The following KCND2 variants were observed in gnomAD, a reference collection of about 807,000 sequenced individuals.
The protein encoded by KCND2 is A-type voltage-gated potassium channel KCND2.
A neutral mutation model predicts 54.4 loss-of-function variants in KCND2; 16 were observed. That is an observed-to-expected ratio of 0.29 (90% CI 0.20 to 0.45). The LOEUF is 0.45. Ranked by LOEUF, KCND2 falls within the 20% of genes least tolerant of loss-of-function variation. The pLI is 1.00. For missense variants in KCND2, 486 were observed against 824.2 expected (o/e 0.59, Z 5.02); for synonymous variants, 317 against 310.7 (o/e 1.02, Z -0.21).
At chr7:120,327,194 G>A (rs1799990295) in intron 1 of KCND2, among the ~76,000 whole-genome samples, 1 of 152,052 alleles carries the variant, frequency 6.6e-6, no homozygotes, top group Non-Finnish European at 1.5e-5. Context: ...AGAATTAAGA[G>A]TGTGAGTTTG....
intron 1 of KCND2, among the ~76,000 whole-genome samples, chr7:120,308,313 G>T (rs945573076): frequency 3.3e-5 from 5 of 152,056 alleles, no homozygotes; most frequent in Admixed American, 2.6e-4. Flanking sequence ...GAGGGCCCTG[G>T]TTTTTCTAGT....
chr7:120,698,189 A>G (rs1792356431), intron 1 of KCND2, among the ~76,000 whole-genome samples: 1 of 151,950 alleles, frequency 6.6e-6, no homozygotes, highest in Non-Finnish European at 1.5e-5. Flanking sequence ...TAACTGTTGT[A>G]TTTTTAGTAT....
At chr7:120,585,531 G>T (rs892284650) in intron 1 of KCND2, among the ~76,000 whole-genome samples, 1 of 152,120 alleles carries the variant, frequency 6.6e-6, no homozygotes, top group Non-Finnish European at 1.5e-5. Context: ...GAAAGCATGG[G>T]TCTGAATTCA....
At chr7:120,454,384 C>G (rs1802164126) in intron 1 of KCND2, among the ~76,000 whole-genome samples, 1 of 152,086 alleles carries the variant, frequency 6.6e-6, no homozygotes, top group Non-Finnish European at 1.5e-5. Context: ...ACCTCTGACC[C>G]CACAGAAGCA....
In KCND2 at chr7:120,743,826, C is replaced by T. The variant is rs575640106; in HGVS notation, c.1467+1224C>T. On this transcript the variant is annotated intron_variant, in intron 4 of 5. Coordinates refer to ENST00000331113, the MANE Select transcript of KCND2 (RefSeq NM_012281.3). ...ATGTTAGGCTTTGCAGCCATGTGGA[C>T]AATTTTGATCTTTAGTTCATGGAAA... is the stretch of plus-strand genomic sequence containing the variant. Among the ~76,000 whole-genome samples, 5 of 152,258 alleles carry T rather than the reference C, an allele frequency of 3.3e-5. No homozygotes were observed. In the East Asian group the frequency reaches 9.6e-4, roughly 29 times the overall value.
chr7:120,422,671 T>C (rs760453410), intron 1 of KCND2, among the ~76,000 whole-genome samples: 2 of 152,156 alleles, frequency 1.3e-5, no homozygotes, highest in Non-Finnish European at 2.9e-5. Context: ...CCTTCTTCCG[T>C]CTGCCCTCCA....
intron 1 of KCND2, among the ~76,000 whole-genome samples, chr7:120,392,445 T>G (rs1400512029): frequency 6.6e-6 from 1 of 151,414 alleles, no homozygotes; most frequent in Non-Finnish European, 1.5e-5. Flanking sequence ...TTTTGTTTTT[T>G]TTTTTAGTTC....
In KCND2 at chr7:120,442,649, A is replaced by G. The variant is rs183626139; in HGVS notation, c.1115+166902A>G. Among the ~76,000 whole-genome samples the G allele has an allele frequency of 3.0e-4, 46 of 152,206 alleles. 1 individual carries two copies. Among genetic ancestry groups the G allele is most frequent in the African/African-American group, 1.1e-3 (45 of 41,556 alleles). On this transcript the variant is annotated intron_variant, in intron 1 of 5. Coordinates refer to ENST00000331113, the MANE Select transcript of KCND2 (RefSeq NM_012281.3). The stretch of plus-strand genomic sequence containing the variant: ...TGCATTTAACATAACACATAAAATG[A>G]TATTTACAGACACCCATCTAAGAAG...
chr7:120,682,320 G>A (rs532197775), intron 1 of KCND2, among the ~76,000 whole-genome samples: 11 of 151,898 alleles, frequency 7.2e-5, no homozygotes, highest in Middle Eastern at 3.5e-3. Flanking sequence ...TTATATTATC[G>A]AGATATTTAA....
intron 1 of KCND2, among the ~76,000 whole-genome samples, chr7:120,369,885 G>A (rs977207532): frequency 6.6e-6 from 1 of 152,026 alleles, no homozygotes; most frequent in Admixed American, 6.6e-5. Context: ...GTGGCAGATA[G>A]AAGATAATCA....
chr7:120,740,879 G>C (rs755667550), intron 2 of KCND2: 2 of 455,286 alleles, frequency 4.4e-6, no homozygotes, highest in Admixed American at 2.4e-5. Flanking sequence ...GGTAGACAAA[G>C]TAGATAAATT....
intron 1 of KCND2, among the ~76,000 whole-genome samples, chr7:120,282,080 G>A (rs1302656127): frequency 6.6e-6 from 1 of 152,112 alleles, no homozygotes; most frequent in Non-Finnish European, 1.5e-5. Context: ...GTGAAGTCCA[G>A]GTAAATTGCG....
chr7:120,595,218 G>A (rs935418122), intron 1 of KCND2, among the ~76,000 whole-genome samples: 2 of 150,954 alleles, frequency 1.3e-5, no homozygotes, highest in South Asian at 2.1e-4. Flanking sequence ...TTTGGAGGCC[G>A]AGACGGGCAA....
intron 1 of KCND2, among the ~76,000 whole-genome samples, chr7:120,303,306 G>A (rs1012586838): frequency 6.6e-6 from 1 of 152,134 alleles, no homozygotes; most frequent in African/African-American, 2.4e-5. Flanking sequence ...TGTGAAAGTG[G>A]TCTGTGTCTA....
chr7:120,645,139 C>T (rs1450535427), intron 1 of KCND2, among the ~76,000 whole-genome samples: 1 of 152,186 alleles, frequency 6.6e-6, no homozygotes, highest in Non-Finnish European at 1.5e-5. Flanking sequence ...TGAGTTCTCA[C>T]AACTAAATAA....
chr7:120,363,973 G>T (rs1800631725), intron 1 of KCND2, among the ~76,000 whole-genome samples: 1 of 152,020 alleles, frequency 6.6e-6, no homozygotes, highest in South Asian at 2.1e-4. Flanking sequence ...ATACTCACTT[G>T]GCTTAATCTC....
chr7:120,625,557 A>G (rs1239399087), intron 1 of KCND2, among the ~76,000 whole-genome samples: 3 of 152,172 alleles, frequency 2.0e-5, no homozygotes, highest in African/African-American at 7.2e-5. Flanking sequence ...GTTAAAACAG[A>G]AAAGTCCTAA....
chr7:120,697,583 G>T (rs1482942259), intron 1 of KCND2, among the ~76,000 whole-genome samples: 2 of 152,106 alleles, frequency 1.3e-5, no homozygotes, highest in Non-Finnish European at 1.5e-5. Context: ...ATCCTTCAGA[G>T]AAATTACATA....
intron 1 of KCND2, among the ~76,000 whole-genome samples, chr7:120,288,495 G>A (rs1758391675): frequency 6.6e-6 from 1 of 152,098 alleles, no homozygotes; most frequent in South Asian, 2.1e-4. Context: ...GGAGTTTTAT[G>A]TAAAAATCCA....
Sources: allele counts gnomAD v4.1 joint callset (sites outside exome capture counted in the v4.1 genomes callset), GRCh38; gene constraint gnomAD v4.1.1; transcripts MANE v1.5; gene names NCBI Gene and HGNC (gene_info 2026-07-23, HGNC 2026-07-21).